ACBD6: variants seen among roughly 807,000 people sequenced by gnomAD.
ACBD6 encodes the protein acyl-CoA binding domain containing 6, also known as acyl-CoA-binding domain-containing protein 6.
Under a neutral mutation model 37.2 loss-of-function variants are expected in ACBD6, and 28 were observed. The ratio of observed to expected loss-of-function variants is 0.75; its 90% CI spans 0.56 to 1.03. ACBD6 has a LOEUF of 1.03. Ranked by LOEUF, ACBD6 falls within the 50% of genes least tolerant of loss-of-function variation. The pLI is 0.00. For missense variants in ACBD6, 340 were observed against 337.4 expected, an observed-to-expected ratio of 1.01 and a Z score of -0.06; for synonymous variants, 113 against 126.8, an observed-to-expected ratio of 0.89 and a Z score of 0.73.
intron 6 of ACBD6, among the ~76,000 whole-genome samples, chr1:180,315,741 G>A (rs1650774310): frequency 6.6e-6 from 1 of 152,140 alleles, no homozygotes; most frequent in Admixed American, 6.5e-5. Context: ...CAGATAGGTA[G>A]TAAGAAAAAA....
intron 4 of ACBD6, among the ~76,000 whole-genome samples, chr1:180,429,152 A>G (rs570806015): frequency 6.6e-6 from 1 of 152,356 alleles, no homozygotes; most frequent in Non-Finnish European, 1.5e-5. Context: ...ACAGTTCAGT[A>G]GTGTTAAGTA....
chr1:180,320,630 T>A (rs1212415898), intron 6 of ACBD6, among the ~76,000 whole-genome samples: 2 of 151,972 alleles, frequency 1.3e-5, no homozygotes, highest in African/African-American at 4.8e-5. Context: ...CAGAGCGAGA[T>A]CCTGTCTCAA....
At chr1:180,289,021 C>A in intron 7 of ACBD6, among the ~76,000 whole-genome samples, 1 of 138,876 alleles carries the variant, frequency 7.2e-6, no homozygotes, top group Non-Finnish European at 1.5e-5. Context: ...GTAATCAGAC[C>A]ATTCTTCTAC....
At chr1:180,403,794 C>T (rs1003164909) in intron 5 of ACBD6, among the ~76,000 whole-genome samples, 10 of 152,188 alleles carry the variant, frequency 6.6e-5, no homozygotes, top group South Asian at 4.1e-4. Context: ...ACCTTGAAGA[C>T]GTTACACTGA....
At chr1:180,394,528 G>T (rs1654192686) in intron 6 of ACBD6, among the ~76,000 whole-genome samples, 1 of 152,102 alleles carries the variant, frequency 6.6e-6, no homozygotes. Context: ...AATGAGTAGT[G>T]AAGGAATTTG....
At chr1:180,374,965 G>C (rs181727395) in intron 6 of ACBD6, among the ~76,000 whole-genome samples, 3 of 152,032 alleles carry the variant, frequency 2.0e-5, no homozygotes, top group Admixed American at 6.5e-5. Flanking sequence ...AATTAGACTA[G>C]ATCAAATGGA....
intron 7 of ACBD6, among the ~76,000 whole-genome samples, chr1:180,312,308 C>T (rs1306602700): frequency 1.3e-5 from 2 of 151,736 alleles, no homozygotes; most frequent in Non-Finnish European, 2.9e-5. Context: ...TAGGTTGAGT[C>T]CTAGGATTTT....
intron 1 of ACBD6, 129 bp downstream of exon 1, chr1:180,501,916 A>AC: frequency 2.3e-6 from 2 of 871,252 alleles, no homozygotes; most frequent in Non-Finnish European, 1.8e-6. Context: ...AAAAAAAAAA[A>AC]AACAAAACAA....
chr1:180,459,613 C>A (rs1316921885), intron 3 of ACBD6, among the ~76,000 whole-genome samples: 1 of 152,138 alleles, frequency 6.6e-6, no homozygotes, highest in Admixed American at 6.5e-5. Flanking sequence ...AGTTTATAAC[C>A]TACACAGTAA....
chr1:180,398,359 A>C (rs2101952381), intron 5 of ACBD6, among the ~76,000 whole-genome samples: 1 of 152,320 alleles, frequency 6.6e-6, no homozygotes, highest in Middle Eastern at 3.4e-3. Flanking sequence ...ACTTAAACCT[A>C]GGTAGAAATC....
chr1:180,498,702 A>G (rs947898901), intron 1 of ACBD6, among the ~76,000 whole-genome samples: 1 of 152,176 alleles, frequency 6.6e-6, no homozygotes, highest in African/African-American at 2.4e-5. Context: ...TACTAAAAAT[A>G]CAAAAATCAA....
At chr1:180,423,408 T>G (rs1234805493) in intron 4 of ACBD6, among the ~76,000 whole-genome samples, 1 of 152,202 alleles carries the variant, frequency 6.6e-6, no homozygotes, top group East Asian at 1.9e-4. Context: ...TGGCAACATC[T>G]TCTTCTACTA....
chr1:180,432,631 A>G (rs1648857852), intron 3 of ACBD6, among the ~76,000 whole-genome samples: 1 of 152,160 alleles, frequency 6.6e-6, no homozygotes, highest in Non-Finnish European at 1.5e-5. Flanking sequence ...CACCCATAAA[A>G]TAGGATATTA....
chr1:180,467,830 A>AT (rs11411179), intron 3 of ACBD6, among the ~76,000 whole-genome samples: 145,381 of 152,240 alleles, frequency 0.95, 69,482 homozygotes, highest in African/African-American at 0.99. Context: ...ATCCATTTAG[A>AT]TGTTTCTAAT....
exon 14 of ACBD6, chr1:180,271,349 G>A (rs376940376): frequency 1.1e-5 from 18 of 1,613,810 alleles, no homozygotes; most frequent in Admixed American, 1.7e-5. Flanking sequence ...CAGATAGGCC[G>A]AAGCCAGTAA....
intron 3 of ACBD6, chr1:180,435,217 T>C: frequency 1.5e-6 from 1 of 683,930 alleles, no homozygotes; most frequent in Non-Finnish European, 2.8e-6. Flanking sequence ...GGTACTCTGG[T>C]GCTGGGTTAC....
intron 3 of ACBD6, among the ~76,000 whole-genome samples, chr1:180,489,186 A>C (rs1021212849): frequency 6.6e-6 from 1 of 152,264 alleles, no homozygotes; most frequent in Admixed American, 6.5e-5. Context: ...AAAAAAACTC[A>C]GCACATTCAG....
chr1:180,463,214 C>A (rs12142124), intron 3 of ACBD6, among the ~76,000 whole-genome samples: 125,864 of 152,126 alleles, frequency 0.83, 52,399 homozygotes, highest in Non-Finnish European at 0.88. Flanking sequence ...GTCAAGAAAT[C>A]ACCAAAATCA....
intron 5 of ACBD6, among the ~76,000 whole-genome samples, chr1:180,401,917 A>T (rs575063530): frequency 6.6e-6 from 1 of 152,298 alleles, no homozygotes; most frequent in South Asian, 2.1e-4. Flanking sequence ...TACGTATAAC[A>T]GATAAAAACA....
Sources: gnomAD v4.1 joint callset for allele counts (sites outside exome capture counted in the v4.1 genomes callset) on GRCh38, gnomAD v4.1.1 for gene constraint, MANE v1.5 for transcripts, NCBI Gene and HGNC (gene_info 2026-07-23, HGNC 2026-07-21) for gene names.